SEMA3A: variants seen among roughly 807,000 people sequenced by gnomAD.
SEMA3A encodes semaphorin 3A.
In SEMA3A, 29 loss-of-function variants were observed where a neutral mutation model predicts 97.9. The observed-to-expected ratio is 0.30, with a 90% CI of 0.22 to 0.40. SEMA3A has a LOEUF of 0.40. SEMA3A is among the 10% of genes least tolerant of loss of function. The pLI is 1.00. For synonymous variants in SEMA3A, 321 were observed against 323.7 expected (o/e 0.99, Z 0.09); for missense variants, 763 against 951.3 (o/e 0.80, Z 2.60).
At chr7:84,127,446 T>C (rs1264336465) in intron 3 of SEMA3A, among the ~76,000 whole-genome samples, 1 of 152,174 alleles carries the variant, frequency 6.6e-6, no homozygotes, top group African/African-American at 2.4e-5. Context: ...GTATTCAGCA[T>C]ACCCTGTTAT....
At chr7:84,323,358 T>G (rs1458281157) in intron 2 of SEMA3A, among the ~76,000 whole-genome samples, 1 of 152,180 alleles carries the variant, frequency 6.6e-6, no homozygotes, top group Admixed American at 6.5e-5. Flanking sequence ...AGCAAAGCTC[T>G]TAATCTACAT....
chr7:84,278,856 T>C (rs1404335711), intron 3 of SEMA3A, among the ~76,000 whole-genome samples: 1 of 152,082 alleles, frequency 6.6e-6, no homozygotes, highest in Non-Finnish European at 1.5e-5. Context: ...GGGGATTACA[T>C]TTCAACATGA....
At position 84,202,021 on chromosome 7, in the gene SEMA3A, T is replaced by C. The variant is rs532763268; in HGVS notation, c.-82-7353A>G. Among the ~76,000 whole-genome samples the C allele has an allele frequency of 7.9e-5, 12 of 152,270 alleles. No individual in the cohort carries two copies. In the South Asian group the frequency reaches 2.3e-3, roughly 29 times the overall value. Reference sequence around the variant, plus strand: ...CTTTGCCATCTCAACTAAAGCTTTATCAGTGAACTGTCACAATGTGCTGAT... The same window carrying C: ...CTTTGCCATCTCAACTAAAGCTTTACCAGTGAACTGTCACAATGTGCTGAT... On this transcript the variant is annotated intron_variant, in intron 3 of 3. Coordinates refer to the SEMA3A transcript ENST00000424555.
At chr7:84,402,974 G>A (rs1220012381) in intron 1 of SEMA3A, among the ~76,000 whole-genome samples, 4 of 152,236 alleles carry the variant, frequency 2.6e-5, no homozygotes, top group East Asian at 1.9e-4. Context: ...TGTGAGCAAC[G>A]CAGAAGACAG....
At chr7:84,489,949 A>T (rs1806677083) in intron 1 of SEMA3A, among the ~76,000 whole-genome samples, 1 of 152,056 alleles carries the variant, frequency 6.6e-6, no homozygotes, top group African/African-American at 2.4e-5. Context: ...ATATGTAATA[A>T]ATACAGTATA....
intron 1 of SEMA3A, among the ~76,000 whole-genome samples, chr7:84,141,612 G>A (rs1306812585): frequency 6.6e-6 from 1 of 151,976 alleles, no homozygotes. Flanking sequence ...CATCACCCAC[G>A]TATTAAACCT....
intron 12 of SEMA3A, among the ~76,000 whole-genome samples, chr7:83,996,393 C>T (rs1288290886): frequency 6.6e-6 from 1 of 150,486 alleles, no homozygotes; most frequent in Non-Finnish European, 1.5e-5. Context: ...ACCTCCACTT[C>T]CCAGGTTCAA....
chr7:83,969,513 G>A (rs1486226707), intron 15 of SEMA3A, among the ~76,000 whole-genome samples: 2 of 152,030 alleles, frequency 1.3e-5, no homozygotes, highest in Non-Finnish European at 1.5e-5. Context: ...TTGCTAAATG[G>A]CAAATCCAGG....
chr7:84,462,948 T>C (rs1306004186), intron 1 of SEMA3A, among the ~76,000 whole-genome samples: 1 of 152,160 alleles, frequency 6.6e-6, no homozygotes, highest in Admixed American at 6.5e-5. Flanking sequence ...CCTTGATTAC[T>C]TATATTTTCA....
intron 1 of SEMA3A, among the ~76,000 whole-genome samples, chr7:84,419,331 A>C (rs1250905712): frequency 6.6e-6 from 1 of 152,146 alleles, no homozygotes; most frequent in African/African-American, 2.4e-5. Flanking sequence ...TTGTTATAGA[A>C]GCACAATGTA....
intron 1 of SEMA3A, among the ~76,000 whole-genome samples, chr7:84,388,080 A>T (rs1397883329): frequency 3.3e-5 from 5 of 152,160 alleles, no homozygotes; most frequent in Non-Finnish European, 5.9e-5. Context: ...AGGCAGAGAA[A>T]TACCTGTCCT....
chr7:84,390,581 A>T (rs1803514697), intron 1 of SEMA3A, among the ~76,000 whole-genome samples: 1 of 152,084 alleles, frequency 6.6e-6, no homozygotes, highest in Non-Finnish European at 1.5e-5. Context: ...AGTCTAATAC[A>T]GTCATAAAAT....
At chr7:84,153,655 C>T (rs1201534721) in intron 1 of SEMA3A, among the ~76,000 whole-genome samples, 1 of 151,890 alleles carries the variant, frequency 6.6e-6, no homozygotes, top group Non-Finnish European at 1.5e-5. Flanking sequence ...ATGAATTTCC[C>T]CTTTAATATA....
intron 1 of SEMA3A, among the ~76,000 whole-genome samples, chr7:84,184,194 TA>T (rs995620780): frequency 1.3e-5 from 2 of 152,070 alleles, no homozygotes; most frequent in Non-Finnish European, 2.9e-5. Context: ...ACGTTTTTTT[TA>T]AAAAAATCAT....
intron 1 of SEMA3A, among the ~76,000 whole-genome samples, chr7:84,386,961 C>T (rs373914794): frequency 3.9e-5 from 6 of 152,208 alleles, no homozygotes; most frequent in African/African-American, 1.4e-4. Context: ...GATCGCACCA[C>T]TGCACTCCAG....
chr7:84,453,602 T>G, intron 1 of SEMA3A, among the ~76,000 whole-genome samples: 1 of 152,170 alleles, frequency 6.6e-6, no homozygotes, highest in East Asian at 1.9e-4. Flanking sequence ...TGCTACTTTC[T>G]TCTGAGTAAA....
intron 4 of SEMA3A, among the ~76,000 whole-genome samples, chr7:84,068,479 GA>G (rs1328495299): frequency 1.3e-5 from 2 of 148,738 alleles, no homozygotes; most frequent in African/African-American, 4.9e-5. Flanking sequence ...TAGTGAAAAG[GA>G]AACATAAAAG....
intron 2 of SEMA3A, among the ~76,000 whole-genome samples, chr7:84,131,249 T>G (rs1434941455): frequency 6.6e-6 from 1 of 152,152 alleles, no homozygotes; most frequent in East Asian, 1.9e-4. Context: ...AATAGTCTTT[T>G]AAGTATTCAT....
intron 3 of SEMA3A, among the ~76,000 whole-genome samples, chr7:84,228,082 T>G (rs1258347089): frequency 6.6e-6 from 1 of 151,960 alleles, no homozygotes; most frequent in Non-Finnish European, 1.5e-5. Flanking sequence ...ATGGGTTGGG[T>G]TGGCTGGGTG....
Sources: allele counts gnomAD v4.1 joint callset (sites outside exome capture counted in the v4.1 genomes callset), GRCh38; gene constraint gnomAD v4.1.1; transcripts MANE v1.5; gene names NCBI Gene and HGNC (gene_info 2026-07-23, HGNC 2026-07-21).